Variants in MAP3K21 observed in about 807,000 individuals in gnomAD.
MAP3K21 encodes mitogen-activated protein kinase kinase kinase MLK4.
A neutral mutation model predicts 86.1 loss-of-function variants in MAP3K21; 63 were observed. The ratio of observed to expected loss-of-function variants is 0.73; its 90% CI spans 0.60 to 0.90. MAP3K21 has a LOEUF of 0.90. MAP3K21 is among the 40% of genes least tolerant of loss of function. The pLI, the probability that MAP3K21 is intolerant of heterozygous loss-of-function variation, is 0.00. For missense variants in MAP3K21, 1,220 were observed against 1,367.7 expected, an observed-to-expected ratio of 0.89 and a Z score of 1.70; for synonymous variants, 558 against 564.8, an observed-to-expected ratio of 0.99 and a Z score of 0.17.
chr1:233,376,042 A>G lies in MAP3K21; in HGVS notation c.1802A>G (p.Lys601Arg), dbSNP rs1558463530. 1 of 1,605,168 alleles carries G rather than the reference A, an allele frequency of 6.2e-7. No individual in the cohort carries two copies. Among genetic ancestry groups the G allele is most frequent in the Non-Finnish European group, 8.5e-7 (1 of 1,178,030 alleles). Residue 601 changes from lysine to arginine, a missense_variant, in exon 7 of 10, where the codon AAA becomes AGA. By Grantham distance (26) the Lys-to-Arg change is conservative. Coordinates refer to ENST00000366624, the MANE Select transcript of MAP3K21 (RefSeq NM_032435.3). ...TGGGGACCAAATTCCATTCAAATGA[A>G]AGATAGAACAGATTGCAAAGAAAGG... Reference protein sequence around the residue: ...CTWGPNSIQMKDRTDCKERIR... With the variant: ...CTWGPNSIQMRDRTDCKERIR...
In MAP3K21 at chr1:233,339,398, TCTCCTC is replaced by T. The variant is rs1296666890; in HGVS notation, c.806-7029_806-7024del. 1.9e-5 allele frequency among the ~76,000 whole-genome samples: 2 copies of T among 102,732 alleles called. 1 individual carries two copies. Among genetic ancestry groups the T allele is most frequent in the Non-Finnish European group, 4.2e-5 (2 of 47,180 alleles). The allele number at this position is 102,732 out of a possible 152,430, so 67.4% of individuals were successfully genotyped here. A position where few individuals can be genotyped will look rare whatever the true frequency, so the allele number is the denominator to read the frequency against. On this transcript the variant is annotated intron_variant, in intron 1 of 9. Coordinates refer to ENST00000366624, the MANE Select transcript of MAP3K21 (RefSeq NM_032435.3). ...TCCTTCTTCTCCTTCTTCTCCTCCT[TCTCCTC>T]CTCCTCCTCCTCCTTCTCCTCCTCC...
Position 233,372,167 on chromosome 1 carries a change from T to A in MAP3K21, c.1675+7T>A. The A allele has an allele frequency of 6.2e-7, 1 of 1,613,656 alleles. No homozygotes were observed. The highest frequency in any genetic ancestry group is 1.1e-5 in the South Asian group (1 of 90,990). On this transcript the variant is annotated splice_region_variant and intron_variant, in intron 6 of 9. Transcript: ENST00000366624. ...CGACTCCGAGCCATACAGTGTGAGC[T>A]TTCTGCACTGCCACGGGGGCTCCTG...
At chr1:233,350,246 GT>G (rs772674322) in intron 2 of MAP3K21, among the ~76,000 whole-genome samples, 31 of 149,890 alleles carry the variant, frequency 2.1e-4, no homozygotes, top group African/African-American at 5.9e-4. Context: ...ATTTTTTGTT[GT>G]TTTTTTTTCT....
intron 5 of MAP3K21, among the ~76,000 whole-genome samples, chr1:233,366,179 T>C (rs1663569804): frequency 1.3e-5 from 2 of 151,882 alleles, no homozygotes; most frequent in African/African-American, 4.8e-5. Context: ...TTGTGGTTAT[T>C]GGGGTGGGAA....
chr1:233,371,793 G>A (rs926685758), intron 5 of MAP3K21, among the ~76,000 whole-genome samples: 3 of 150,712 alleles, frequency 2.0e-5, no homozygotes, highest in African/African-American at 7.3e-5. Context: ...GTATGTGTGT[G>A]ACTATATCCA....
At chr1:233,349,175 G>A (rs766964685) in intron 2 of MAP3K21, among the ~76,000 whole-genome samples, 8 of 152,054 alleles carry the variant, frequency 5.3e-5, no homozygotes, top group Non-Finnish European at 8.8e-5. Context: ...GAGCGTGTGT[G>A]TTTTTATAAA....
chr1:233,379,361 G>A lies in MAP3K21; in HGVS notation c.2355G>A (p.Gly785=). The change falls in exon 9 of 10, where the codon GGG becomes GGA. Residue 785 remains glycine, a synonymous_variant. Coordinates refer to ENST00000366624, the MANE Select transcript of MAP3K21 (RefSeq NM_032435.3). ...CCACAAGCCTGCCATCCACCTGTGG[G>A]GAGGCCAGCAGCCCACCCTCCCTGC... ...SPPTSLPSTC[G]EASSPPSLPL... The A allele has an allele frequency of 3.1e-6, 5 of 1,614,160 alleles. No homozygotes were observed. The highest frequency in any genetic ancestry group is 4.2e-6 in the Non-Finnish European group (5 of 1,180,020).
intron 4 of MAP3K21, among the ~76,000 whole-genome samples, chr1:233,357,354 G>A (rs933476424): frequency 6.6e-6 from 1 of 151,572 alleles, no homozygotes; most frequent in African/African-American, 2.4e-5. Context: ...GTATACATAT[G>A]TAAGAAACCT....
chr1:233,339,470 CCTT>C (rs141155520), intron 1 of MAP3K21, among the ~76,000 whole-genome samples: 49,978 of 130,340 alleles, frequency 0.38, 11,261 homozygotes, highest in Admixed American at 0.53. Context: ...TCCTCCTTCT[CCTT>C]CTTCTTCTTC....
chr1:233,369,113 T>C (rs1663635619), intron 5 of MAP3K21, among the ~76,000 whole-genome samples: 1 of 150,812 alleles, frequency 6.6e-6, no homozygotes, highest in Non-Finnish European at 1.5e-5. Flanking sequence ...CACATGACAG[T>C]GACTAGTGCA....
intron 6 of MAP3K21, chr1:233,374,136 T>A (rs1663739962): frequency 6.6e-6 from 1 of 152,190 alleles, no homozygotes; most frequent in Non-Finnish European, 1.5e-5. Flanking sequence ...AATGAACAGC[T>A]GATTCAAGAT....
chr1:233,377,299 G>T (rs1370274782), intron 8 of MAP3K21, among the ~76,000 whole-genome samples: 1 of 152,078 alleles, frequency 6.6e-6, no homozygotes, highest in African/African-American at 2.4e-5. Context: ...AAATAAAATT[G>T]GTCTTTATAC....
Position 233,328,121 on chromosome 1 carries a change from C to T in MAP3K21, c.93C>T (p.Ser31=), listed in dbSNP as rs1662729346. 1 of 1,407,964 alleles carries T rather than the reference C, an allele frequency of 7.1e-7. No homozygotes were observed. The highest frequency in any genetic ancestry group is 9.2e-7 in the Non-Finnish European group (1 of 1,086,180). 87.2% of individuals were successfully genotyped at this position (1,407,964 alleles called of 1,614,324 possible). ...GCTCAGCGTCCTCGTCGTCCACCTC[C>T]TCGGGCGGCTCGGCCTCGGCGGGCG... is the stretch of plus-strand genomic sequence containing the variant. ...PGGSASSSST[S]SGGSASAGAG... The change falls in exon 1 of 10, where the codon TCC becomes TCT. Residue 31 remains serine (S), a synonymous_variant. Transcript: ENST00000366624. The surrounding 1 kb of genome is among the most constrained non-coding windows in gnomAD (Gnocchi z 8.7).
intron 2 of MAP3K21, among the ~76,000 whole-genome samples, chr1:233,351,927 C>T (rs919438598): frequency 2.0e-5 from 3 of 152,072 alleles, no homozygotes; most frequent in Non-Finnish European, 2.9e-5. Context: ...CTTGCTCTGC[C>T]ACCCATGCTG....
Position 233,329,967 on chromosome 1 carries a change from G to A in MAP3K21, c.805+1134G>A, listed in dbSNP as rs571759852. On this transcript the variant is annotated intron_variant, in intron 1 of 9. Coordinates refer to ENST00000366624, the MANE Select transcript of MAP3K21 (RefSeq NM_032435.3). The stretch of plus-strand genomic sequence containing the variant: ...TGTTGGTTCTTTAATATTGAAGATC[G>A]CTTCATATTCTTATAATGAGATGAA... Among the ~76,000 whole-genome samples the A allele has an allele frequency of 1.0e-3, 155 of 152,310 alleles. 1 individual carries two copies. Among genetic ancestry groups the A allele is most frequent in the African/African-American group, 3.5e-3 (145 of 41,574 alleles).
At position 233,375,945 on chromosome 1, in the gene MAP3K21, G is replaced by A; in HGVS notation, c.1705G>A (p.Gly569Arg). ...TTCAGATGAAAGCAATAAAACTTGG[G>A]GAAGGAACACAGTCTTTCGACAAGA... ...LTSDESNKTW[G>R]RNTVFRQEEF... is the part of the protein sequence containing the mutation. Residue 569 changes from glycine (G) to arginine (R), a missense_variant, in exon 7 of 10, where the codon GGA becomes AGA. Coordinates refer to ENST00000366624, the MANE Select transcript of MAP3K21 (RefSeq NM_032435.3). 1 of 1,612,114 alleles carries A rather than the reference G, an allele frequency of 6.2e-7. No individual in the cohort carries two copies.
Position 233,327,981 on chromosome 1 carries a change from G to A in MAP3K21, c.-48G>A. 1 of 1,235,644 alleles carries A rather than the reference G, an allele frequency of 8.1e-7. No homozygotes were observed. The highest frequency in any genetic ancestry group is 1.0e-6 in the Non-Finnish European group (1 of 990,714). The allele number at this position is 1,235,644 out of a possible 1,614,324, so 76.5% of individuals were successfully genotyped here. A position where few individuals can be genotyped will look rare whatever the true frequency, so the allele number is the denominator to read the frequency against. ...ACGATGCGCGCCCGCGGCCGCCCGG[G>A]AGGCTGAGCCCAGCTTCCCGCTCCG... On this transcript the variant is annotated 5_prime_UTR_variant, in exon 1 of 10. Coordinates refer to ENST00000366624, the MANE Select transcript of MAP3K21 (RefSeq NM_032435.3).
chr1:233,366,480 T>A (rs930548156), intron 5 of MAP3K21, among the ~76,000 whole-genome samples: 1 of 152,192 alleles, frequency 6.6e-6, no homozygotes. Context: ...ATAATTTTTA[T>A]GGGTCAACAA....
intron 1 of MAP3K21, among the ~76,000 whole-genome samples, chr1:233,334,651 A>G (rs979957797): frequency 1.3e-5 from 2 of 152,144 alleles, no homozygotes; most frequent in African/African-American, 4.8e-5. Flanking sequence ...AGTGAGTGCC[A>G]TGGATGCCAT....
Sources: gnomAD v4.1 joint callset for allele counts (sites outside exome capture counted in the v4.1 genomes callset) on GRCh38, gnomAD v4.1.1 for gene constraint, Gnocchi (gnomAD v3.1) non-coding constraint, MANE v1.5 for transcripts, NCBI Gene and HGNC (gene_info 2026-07-23, HGNC 2026-07-21) for gene names.